Variants in ERBB4 observed in about 807,000 individuals in gnomAD.
ERBB4 encodes erb-b2 receptor tyrosine kinase 4.
Under a neutral mutation model 158.0 loss-of-function variants are expected in ERBB4, and 42 were observed. That is an observed-to-expected ratio of 0.27 (90% CI 0.21 to 0.34). The LOEUF is 0.34. Among genes scored for constraint, ERBB4 ranks in the 10% least tolerant of loss-of-function variants. The probability of loss-of-function intolerance (pLI) is 1.00; values close to 1 mark genes in which losing one functional copy is unlikely to be tolerated. For missense variants in ERBB4, 1,333 were observed against 1,624.1 expected (o/e 0.82, Z 3.08); for synonymous variants, 583 against 558.7 (o/e 1.04, Z -0.61).
intron 20 of ERBB4, among the ~76,000 whole-genome samples, chr2:211,523,364 T>G (rs903175678): frequency 4.6e-5 from 7 of 150,846 alleles, no homozygotes; most frequent in African/African-American, 1.2e-4. Context: ...TTTGAGATGT[T>G]GAATTTAACT....
At position 211,380,094 on chromosome 2, in the gene ERBB4, G is replaced by GAATC; in HGVS notation, c.*3517_*3520dup. The GAATC allele has an allele frequency of 4.3e-6, 1 of 231,990 alleles. No individual in the cohort carries two copies. Among genetic ancestry groups the GAATC allele is most frequent in the African/African-American group, 2.2e-5 (1 of 45,354 alleles). The allele number at this position is 231,990 out of a possible 1,614,324, so 14.4% of individuals were successfully genotyped here. A position where few individuals can be genotyped will look rare whatever the true frequency, so the allele number is the denominator to read the frequency against. On this transcript the variant is annotated 3_prime_UTR_variant, in exon 28 of 28. Transcript: ENST00000342788. ...GTCCTTCTCCCTAATCTACAAAAAA[G>GAATC]AATCACTTGATTTTAGTTTGTGTGT...
intron 1 of ERBB4, among the ~76,000 whole-genome samples, chr2:212,467,230 C>T (rs886096177): frequency 6.6e-6 from 1 of 152,208 alleles, no homozygotes. Context: ...TTCAAGCTGG[C>T]TGCAGAAATT....
chr2:211,399,078 T>C (rs2062980298), intron 25 of ERBB4, among the ~76,000 whole-genome samples: 1 of 152,230 alleles, frequency 6.6e-6, no homozygotes, highest in Non-Finnish European at 1.5e-5. Flanking sequence ...CTTTCTGGCT[T>C]CTTTGCCTTG....
chr2:211,437,917 G>A (rs1213137528), intron 20 of ERBB4, among the ~76,000 whole-genome samples: 1 of 152,114 alleles, frequency 6.6e-6, no homozygotes, highest in Non-Finnish European at 1.5e-5. Context: ...ACTATGGTTA[G>A]AGCTAAAGAT....
At chr2:211,953,242 T>A (rs1286639546) in intron 2 of ERBB4, among the ~76,000 whole-genome samples, 1 of 151,824 alleles carries the variant, frequency 6.6e-6, no homozygotes, top group Non-Finnish European at 1.5e-5. Context: ...ATTATAACAA[T>A]GCCCTAGGGG....
At chr2:211,764,735 T>C (rs377687850) in intron 4 of ERBB4, among the ~76,000 whole-genome samples, 40 of 151,964 alleles carry the variant, frequency 2.6e-4, no homozygotes, top group African/African-American at 9.4e-4. Flanking sequence ...GAATAGCCAT[T>C]TGGGACAAAG....
intron 20 of ERBB4, among the ~76,000 whole-genome samples, chr2:211,443,598 G>A (rs1294471131): frequency 6.6e-6 from 1 of 151,922 alleles, no homozygotes; most frequent in East Asian, 1.9e-4. Flanking sequence ...AGTTCTAAAG[G>A]GTCATTTTTA....
At chr2:212,178,867 T>C (rs1406133755) in intron 1 of ERBB4, among the ~76,000 whole-genome samples, 2 of 151,704 alleles carry the variant, frequency 1.3e-5, no homozygotes, top group Non-Finnish European at 3.0e-5. Flanking sequence ...AAAAAAATTA[T>C]AGTCTAGATA....
chr2:211,654,426 G>A (rs1434169317), intron 16 of ERBB4, among the ~76,000 whole-genome samples: 1 of 152,194 alleles, frequency 6.6e-6, no homozygotes, highest in East Asian at 1.9e-4. Flanking sequence ...CTATTGCTAT[G>A]AATTATTTTA....
intron 20 of ERBB4, among the ~76,000 whole-genome samples, chr2:211,544,831 A>G (rs2066901234): frequency 6.6e-6 from 1 of 152,096 alleles, no homozygotes; most frequent in African/African-American, 2.4e-5. Context: ...TTTCAAACAC[A>G]ACACTTAGAT....
chr2:212,271,169 A>G (rs1314653695), intron 1 of ERBB4, among the ~76,000 whole-genome samples: 1 of 52,852 alleles, frequency 1.9e-5, no homozygotes, highest in Non-Finnish European at 5.2e-5. Flanking sequence ...TGGAAAATCT[A>G]TGATGACAGA....
chr2:211,396,986 C>T (rs891341540), intron 25 of ERBB4, among the ~76,000 whole-genome samples: 5 of 152,124 alleles, frequency 3.3e-5, no homozygotes, highest in Non-Finnish European at 7.4e-5. Context: ...ACTGTGAATA[C>T]TCTGGTACAG....
At chr2:211,389,010 T>G (rs565719131) in intron 25 of ERBB4, among the ~76,000 whole-genome samples, 8 of 152,230 alleles carry the variant, frequency 5.3e-5, no homozygotes, top group Admixed American at 3.9e-4. Flanking sequence ...AAAATAAACC[T>G]CTAAGATACC....
At chr2:211,751,208 T>C (rs556434389) in intron 4 of ERBB4, among the ~76,000 whole-genome samples, 13 of 152,290 alleles carry the variant, frequency 8.5e-5, no homozygotes, top group African/African-American at 2.6e-4. Flanking sequence ...ATTTAAGCTA[T>C]ACTTTTGAAA....
At chr2:211,625,966 C>A (rs1433553154) in intron 17 of ERBB4, among the ~76,000 whole-genome samples, 2 of 152,130 alleles carry the variant, frequency 1.3e-5, no homozygotes, top group East Asian at 3.9e-4. Context: ...ATATATTTCA[C>A]AAAAACATGT....
At chr2:211,782,814 A>C (rs1011655928) in intron 4 of ERBB4, among the ~76,000 whole-genome samples, 3 of 152,136 alleles carry the variant, frequency 2.0e-5, no homozygotes, top group Non-Finnish European at 2.9e-5. Context: ...CATGATGCCT[A>C]CAGCTTTGTT....
intron 1 of ERBB4, among the ~76,000 whole-genome samples, chr2:212,146,398 T>C (rs982136024): frequency 2.6e-5 from 4 of 152,194 alleles, no homozygotes; most frequent in Admixed American, 6.5e-5. Context: ...CCAAGAATTG[T>C]TGACAATATA....
At chr2:212,218,365 CA>C (rs912378470) in intron 1 of ERBB4, among the ~76,000 whole-genome samples, 6 of 151,262 alleles carry the variant, frequency 4.0e-5, no homozygotes, top group African/African-American at 1.5e-4. Flanking sequence ...CTCTATTCTT[CA>C]AAGAGTAAAA....
chr2:212,332,480 A>T (rs2088224437), intron 1 of ERBB4, among the ~76,000 whole-genome samples: 1 of 152,060 alleles, frequency 6.6e-6, no homozygotes, highest in Non-Finnish European at 1.5e-5. Context: ...TGAGGGCAGT[A>T]ATCATGCCAC....
Sources: allele counts gnomAD v4.1 joint callset (sites outside exome capture counted in the v4.1 genomes callset), GRCh38; gene constraint gnomAD v4.1.1; transcripts MANE v1.5; gene names NCBI Gene and HGNC (gene_info 2026-07-23, HGNC 2026-07-21).